GRB2: variants seen among roughly 807,000 people sequenced by gnomAD.
The protein encoded by GRB2 is growth factor receptor bound protein 2.
Under a neutral mutation model 27.4 loss-of-function variants are expected in GRB2, and 2 were observed. The observed-to-expected ratio is 0.07, with a 90% CI of 0.03 to 0.23. The LOEUF (loss-of-function observed/expected upper bound fraction) is 0.23. Among genes scored for constraint, GRB2 ranks in the 10% least tolerant of loss-of-function variants. The pLI is 1.00. For missense variants in GRB2, 102 were observed against 282.4 expected (o/e 0.36, Z 4.58); for synonymous variants, 94 against 99.6 (o/e 0.94, Z 0.33).
rs2079015071 is a variant in GRB2 at position 75,393,915 on chromosome 17, C to T, written c.-137-150G>A. The T allele has an allele frequency of 1.1e-5, 5 of 473,244 alleles. 1 individual carries two copies. In the South Asian group the frequency reaches 1.2e-4, roughly 12 times the overall value. The allele number at this position is 473,244 out of a possible 1,614,324, so 29.3% of individuals were successfully genotyped here. A position where few individuals can be genotyped will look rare whatever the true frequency, so the allele number is the denominator to read the frequency against. On this transcript the variant is annotated intron_variant, in intron 1 of 5. Transcript: ENST00000316804. ...CTTCCAGGCAACAGCCCCCCCCCGC[C>T]GACTTCTTCCTCTTTTCAGCCTCGG... is the stretch of plus-strand genomic sequence containing the variant.
chr17:75,339,312 G>A (rs529152353), intron 2 of GRB2, among the ~76,000 whole-genome samples: 1 of 150,402 alleles, frequency 6.6e-6, no homozygotes. Context: ...TCCTGCCTCA[G>A]CCTCCTGAGT....
At chr17:75,324,620 T>C (rs2078486638) in intron 4 of GRB2, among the ~76,000 whole-genome samples, 1 of 148,868 alleles carries the variant, frequency 6.7e-6, no homozygotes, top group Non-Finnish European at 1.5e-5. Context: ...TGGATTCAAA[T>C]GATTCTCTGG....
chr17:75,361,864 C>A (rs188550856), intron 2 of GRB2, among the ~76,000 whole-genome samples: 3 of 150,496 alleles, frequency 2.0e-5, no homozygotes, highest in African/African-American at 7.4e-5. Context: ...CGAGACCAGT[C>A]TGTGTCTTTA....
At chr17:75,378,768 G>T (rs1031776432) in intron 2 of GRB2, among the ~76,000 whole-genome samples, 1 of 152,046 alleles carries the variant, frequency 6.6e-6, no homozygotes, top group South Asian at 2.1e-4. Context: ...AGAAGGAGAC[G>T]AACCAATTAA....
At chr17:75,357,217 C>T (rs1023167068) in intron 2 of GRB2, among the ~76,000 whole-genome samples, 1 of 152,102 alleles carries the variant, frequency 6.6e-6, no homozygotes, top group Non-Finnish European at 1.5e-5. Flanking sequence ...TTATTTCTCA[C>T]TCTACACTGA....
At position 75,318,088 on chromosome 17, in the gene GRB2, T is replaced by G. The variant is rs1415052195; in HGVS notation, c.*2280A>C. On this transcript the variant is annotated 3_prime_UTR_variant, in exon 6 of 6. Transcript: ENST00000316804. The stretch of plus-strand genomic sequence containing the variant: ...AAAAGATACCAAGTGAAGAATTCAT[T>G]GTGTATTTATTATTCACAGTTAATC... 1 of 152,640 alleles carries G rather than the reference T, an allele frequency of 6.6e-6. No individual in the cohort carries two copies. Among genetic ancestry groups the G allele is most frequent in the East Asian group, 1.9e-4 (1 of 5,202 alleles). 9.5% of individuals were successfully genotyped at this position (152,640 alleles called of 1,614,324 possible).
At chr17:75,403,321 T>C (rs2079076319) in intron 1 of GRB2, among the ~76,000 whole-genome samples, 1 of 152,010 alleles carries the variant, frequency 6.6e-6, no homozygotes, top group South Asian at 2.1e-4. Flanking sequence ...TCTTCTGTTG[T>C]ATGTGTAACA....
intron 2 of GRB2, among the ~76,000 whole-genome samples, chr17:75,360,422 C>T (rs2078772315): frequency 1.3e-5 from 2 of 152,118 alleles, no homozygotes; most frequent in Admixed American, 1.3e-4. Context: ...TTTTCCAATC[C>T]ATATTCCTAT....
chr17:75,336,311 A>G (rs980006796), intron 2 of GRB2, among the ~76,000 whole-genome samples: 1 of 152,162 alleles, frequency 6.6e-6, no homozygotes, highest in African/African-American at 2.4e-5. Flanking sequence ...AGTTTTTGAA[A>G]ATGTCTTAAC....
intron 2 of GRB2, among the ~76,000 whole-genome samples, chr17:75,366,500 C>A (rs866624105): frequency 3.6e-3 from 399 of 111,702 alleles, no homozygotes; most frequent in African/African-American, 5.0e-3. Context: ...GATCAGCTTC[C>A]AAAAAAAAAA....
chr17:75,343,850 G>C (rs2078637917), intron 2 of GRB2, among the ~76,000 whole-genome samples: 1 of 152,112 alleles, frequency 6.6e-6, no homozygotes, highest in South Asian at 2.1e-4. Context: ...AGGAAGGGAG[G>C]GGGCAGGAAG....
At chr17:75,354,268 G>C (rs1567864978) in intron 2 of GRB2, among the ~76,000 whole-genome samples, 3 of 106,100 alleles carry the variant, frequency 2.8e-5, no homozygotes, top group African/African-American at 8.4e-5. Context: ...TTTTTTTGGG[G>C]GGGGGGGGGA....
intron 1 of GRB2, among the ~76,000 whole-genome samples, chr17:75,399,221 T>C (rs1372839970): frequency 6.7e-6 from 1 of 150,312 alleles, no homozygotes; most frequent in African/African-American, 2.4e-5. Context: ...CTAATTTTTG[T>C]GTGTGTGTGT....
At chr17:75,396,486 T>C (rs371041138) in intron 1 of GRB2, among the ~76,000 whole-genome samples, 29 of 152,226 alleles carry the variant, frequency 1.9e-4, no homozygotes, top group African/African-American at 7.0e-4. Context: ...ATTTGCATGG[T>C]CTCTAGAGGC....
chr17:75,326,155 G>A, intron 3 of GRB2, 135 bp from the exon 4 acceptor site: 2 of 976,390 alleles, frequency 2.0e-6, no homozygotes, highest in East Asian at 5.0e-5. Context: ...GCCTCACAGT[G>A]CCCAAGATCG....
chr17:75,384,596 G>A (rs1017539032), intron 2 of GRB2, among the ~76,000 whole-genome samples: 2 of 152,096 alleles, frequency 1.3e-5, no homozygotes, highest in Non-Finnish European at 2.9e-5. Flanking sequence ...CTTGAACCCG[G>A]GAGGTGGAGG....
At chr17:75,351,958 C>T (rs1405092384) in intron 2 of GRB2, among the ~76,000 whole-genome samples, 1 of 152,184 alleles carries the variant, frequency 6.6e-6, no homozygotes, top group Non-Finnish European at 1.5e-5. Context: ...GCTTACAAGA[C>T]CCCAAGTACA....
chr17:75,345,035 T>TA (rs934061842), intron 2 of GRB2, among the ~76,000 whole-genome samples: 14 of 151,758 alleles, frequency 9.2e-5, no homozygotes, highest in Non-Finnish European at 7.4e-5. Flanking sequence ...GGTTTTTTTT[T>TA]AAATTTTATT....
At chr17:75,368,668 C>T (rs1489335221) in intron 2 of GRB2, among the ~76,000 whole-genome samples, 1 of 152,036 alleles carries the variant, frequency 6.6e-6, no homozygotes. Flanking sequence ...CCTAAGCCTC[C>T]TGAGTAGCAG....
Sources: gnomAD v4.1 joint callset for allele counts (sites outside exome capture counted in the v4.1 genomes callset) on GRCh38, gnomAD v4.1.1 for gene constraint, MANE v1.5 for transcripts, NCBI Gene and HGNC (gene_info 2026-07-23, HGNC 2026-07-21) for gene names.